The following UBQLN4 variants were observed in gnomAD, a reference collection of about 807,000 sequenced individuals.
The protein encoded by UBQLN4 is ubiquilin 4.
UBQLN4 carries 11 observed loss-of-function variants against 60.4 expected under a neutral mutation model. The ratio of observed to expected loss-of-function variants is 0.18; its 90% CI spans 0.11 to 0.30. The LOEUF is 0.30. Ranked by LOEUF, UBQLN4 falls within the 10% of genes least tolerant of loss-of-function variation. UBQLN4 has a pLI of 1.00. For missense variants in UBQLN4, 417 were observed against 795.5 expected, an observed-to-expected ratio of 0.52 and a Z score of 5.72; for synonymous variants, 258 against 313.1, an observed-to-expected ratio of 0.82 and a Z score of 1.86.
chr1:156,036,111 T>C lies in UBQLN4; in HGVS notation c.*867A>G, dbSNP rs41265003. 7,853 of 985,600 alleles carry C rather than the reference T, an allele frequency of 8.0e-3. 28 individuals carry two copies. Among genetic ancestry groups the C allele is most frequent in the Non-Finnish European group, 8.8e-3 (7,331 of 829,946 alleles). 61.1% of individuals were successfully genotyped at this position (985,600 alleles called of 1,614,324 possible). The stretch of plus-strand genomic sequence containing the variant: ...TTGTGGGGCGTGGCGCTTAGCTTCA[T>C]TGGGCTCCTTTTTTCAGTTTAAATT... On this transcript the variant is annotated 3_prime_UTR_variant, in exon 11 of 11. Coordinates refer to ENST00000368309, the MANE Select transcript of UBQLN4 (RefSeq NM_020131.5).
At chr1:156,045,407 G>A (rs988190918) in intron 5 of UBQLN4, among the ~76,000 whole-genome samples, 5 of 152,116 alleles carry the variant, frequency 3.3e-5, no homozygotes, top group Admixed American at 2.6e-4. Flanking sequence ...TTCTGGGCTC[G>A]CTTTATTCTT....
chr1:156,034,350 G>A (rs1056550894), downstream of UBQLN4, among the ~76,000 whole-genome samples: 3 of 145,566 alleles, frequency 2.1e-5, no homozygotes, highest in Non-Finnish European at 4.5e-5. Flanking sequence ...CCAGGCTAGA[G>A]TGCGTGGCAC....
intron 5 of UBQLN4, among the ~76,000 whole-genome samples, chr1:156,046,432 A>G (rs1572276640): frequency 6.6e-6 from 1 of 151,632 alleles, no homozygotes; most frequent in South Asian, 2.1e-4. Flanking sequence ...CGGGAGGCGG[A>G]GGTTGCAGTG....
intron 10 of UBQLN4, among the ~76,000 whole-genome samples, chr1:156,040,441 A>ATTT (rs112995184): frequency 2.3e-3 from 255 of 109,000 alleles, no homozygotes; most frequent in East Asian, 0.013. Flanking sequence ...CAGTCCACAC[A>ATTT]TTTTTTTTTT....
chr1:156,040,294 G>A (rs1683527085), intron 10 of UBQLN4, among the ~76,000 whole-genome samples: 1 of 151,842 alleles, frequency 6.6e-6, no homozygotes. Context: ...TACTCGGGAG[G>A]TTGAGGCAGG....
At chr1:156,043,389 C>G (rs1683618563) in intron 6 of UBQLN4, among the ~76,000 whole-genome samples, 1 of 152,106 alleles carries the variant, frequency 6.6e-6, no homozygotes, top group African/African-American at 2.4e-5. Context: ...GAAGACCTTT[C>G]CAGGATGCAG....
Position 156,036,236 on chromosome 1 carries a change from C to T in UBQLN4, c.*742G>A. On this transcript the variant is annotated 3_prime_UTR_variant, in exon 11 of 11. Coordinates refer to ENST00000368309, the MANE Select transcript of UBQLN4 (RefSeq NM_020131.5). ...GCTCCCCACTGTTAATTCCAACTTC[C>T]AAGCCTTTTACTCAGGCTGTCTCCC... is the stretch of plus-strand genomic sequence containing the variant. 1 of 985,638 alleles carries T rather than the reference C, an allele frequency of 1.0e-6. No homozygotes were observed. The highest frequency in any genetic ancestry group is 1.2e-6 in the Non-Finnish European group (1 of 829,974). 61.1% of individuals were successfully genotyped at this position (985,638 alleles called of 1,614,324 possible).
rs1454621563 is a variant in UBQLN4, at chr1:156,050,944, A to G, written c.478+166T>C. Among the ~76,000 whole-genome samples the G allele has an allele frequency of 2.0e-5, 3 of 151,840 alleles. No individual in the cohort carries two copies. The highest frequency in any genetic ancestry group is 2.0e-4 in the Admixed American group (3 of 15,250). On this transcript the variant is annotated intron_variant, in intron 3 of 10. Coordinates refer to ENST00000368309, the MANE Select transcript of UBQLN4 (RefSeq NM_020131.5). This position sits in a 1 kb window ranked among gnomAD's most constrained non-coding sequence, Gnocchi z 4.6. ...GTCCCCACCTCTGAGAACTCCTCAG[A>G]CTAGTTTCTTCCCCAGCTTGACTCA...
downstream of UBQLN4, among the ~76,000 whole-genome samples, chr1:156,033,600 T>G (rs1036790865): frequency 2.0e-5 from 3 of 152,086 alleles, no homozygotes; most frequent in Non-Finnish European, 4.4e-5. Flanking sequence ...CCCAGCACTT[T>G]GGGAGGCCGA....
chr1:156,052,325 T>TTTA (rs1683893159), intron 1 of UBQLN4, among the ~76,000 whole-genome samples: 1 of 152,154 alleles, frequency 6.6e-6, no homozygotes, highest in African/African-American at 2.4e-5. Flanking sequence ...TTATTTTCAT[T>TTTA]TTATTATTAT....
intron 1 of UBQLN4, among the ~76,000 whole-genome samples, chr1:156,053,184 C>A (rs1176487431): frequency 1.3e-5 from 2 of 152,198 alleles, no homozygotes; most frequent in Non-Finnish European, 2.9e-5. Context: ...ACAGCCCCGT[C>A]GCTCAGAGAA....
downstream of UBQLN4, among the ~76,000 whole-genome samples, chr1:156,032,824 A>G (rs1336831599): frequency 1.3e-5 from 2 of 152,190 alleles, no homozygotes; most frequent in Non-Finnish European, 2.9e-5. Context: ...GGATTCCCCC[A>G]AGGAAGAAGA....
Position 156,041,949 on chromosome 1 carries a change from G to T in UBQLN4, c.1389C>A (p.Pro463=), listed in dbSNP as rs758586363. The T allele has an allele frequency of 6.2e-7, 1 of 1,614,008 alleles. No homozygotes were observed. Among genetic ancestry groups the T allele is most frequent in the Non-Finnish European group, 8.5e-7 (1 of 1,180,032 alleles). The change falls in exon 9 of 11, where the codon CCC becomes CCA. Residue 463 remains proline (P), a synonymous_variant. Coordinates refer to ENST00000368309, the MANE Select transcript of UBQLN4 (RefSeq NM_020131.5). ...NPESLSILTN[P]RAMQALLQIQ... is the part of the protein sequence containing the mutation. ...TCTGCAGCAATGCCTGCATGGCTCG[G>T]GGATTGGTAAGGATGGAGAGTGACT... is the stretch of plus-strand genomic sequence containing the variant.
At chr1:156,034,846 T>C (rs1683358910), downstream of UBQLN4, among the ~76,000 whole-genome samples, 2 of 107,982 alleles carry the variant, frequency 1.9e-5, no homozygotes, top group South Asian at 3.1e-4. Context: ...TATATATATA[T>C]ATATATATAT....
chr1:156,046,750 G>A (rs1683714447), intron 5 of UBQLN4, among the ~76,000 whole-genome samples: 1 of 151,554 alleles, frequency 6.6e-6, no homozygotes, highest in Non-Finnish European at 1.5e-5. Context: ...GCTGAGGCAG[G>A]AGACTCGCTT....
chr1:156,043,940 C>T, intron 6 of UBQLN4, 58 bp downstream of exon 6: 1 of 1,569,436 alleles, frequency 6.4e-7, no homozygotes, highest in Non-Finnish European at 8.7e-7. Context: ...CCATTCAGTC[C>T]TGGGACAGAG....
At chr1:156,034,293 T>C (rs1683344188), downstream of UBQLN4, among the ~76,000 whole-genome samples, 1 of 103,536 alleles carries the variant, frequency 9.7e-6, no homozygotes, top group Admixed American at 1.4e-4. Flanking sequence ...AGTTTTTGTT[T>C]TACTTTTTTT....
At chr1:156,042,588 T>G in intron 7 of UBQLN4, 186 bp downstream of exon 7, 1 of 1,088,490 alleles carries the variant, frequency 9.2e-7, no homozygotes, top group Non-Finnish European at 1.3e-6. Flanking sequence ...ACTATTGTTA[T>G]TATCATCTTA....
chr1:156,040,441 A>AT (rs112995184), intron 10 of UBQLN4, among the ~76,000 whole-genome samples: 24,314 of 107,744 alleles, frequency 0.23, 3,727 homozygotes, highest in East Asian at 0.75. Flanking sequence ...CAGTCCACAC[A>AT]TTTTTTTTTT....
Sources: allele counts gnomAD v4.1 joint callset (sites outside exome capture counted in the v4.1 genomes callset), GRCh38; gene constraint gnomAD v4.1.1; non-coding constraint Gnocchi (gnomAD v3.1); transcripts MANE v1.5; gene names NCBI Gene and HGNC (gene_info 2026-07-23, HGNC 2026-07-21).